ATG4B: variants seen among roughly 807,000 people sequenced by gnomAD.
ATG4B encodes the protein autophagy related 4B cysteine peptidase.
A neutral mutation model predicts 56.6 loss-of-function variants in ATG4B; 29 were observed. The observed-to-expected ratio is 0.51, with a 90% confidence interval of 0.38 to 0.70. The LOEUF (loss-of-function observed/expected upper bound fraction) is 0.70, where lower values mean the gene tolerates loss of function less well. Ranked by LOEUF, ATG4B falls within the 30% of genes least tolerant of loss-of-function variation. ATG4B has a pLI of 0.00. For missense variants in ATG4B, 461 were observed against 515.5 expected, an observed-to-expected ratio of 0.89 and a Z score of 1.02; for synonymous variants, 224 against 206.1, an observed-to-expected ratio of 1.09 and a Z score of -0.74.
Position 241,651,893 on chromosome 2 carries a change from A to G in ATG4B, c.184+558A>G, listed in dbSNP as rs547192852. ...TGCATTCTGTTAAAAGCCATTCATC[A>G]TTGTTGTATACCCTGGAGCTGGAAG... is the stretch of plus-strand genomic sequence containing the variant. On this transcript the variant is annotated intron_variant, in intron 3 of 12. Coordinates refer to ENST00000404914, the MANE Select transcript of ATG4B (RefSeq NM_013325.5). The surrounding 1 kb of genome is among the most constrained non-coding windows in gnomAD (Gnocchi z 4.1). The G allele has an allele frequency of 2.1e-5, 27 of 1,303,826 alleles. No homozygotes were observed. The highest frequency in any genetic ancestry group is 2.7e-5 in the Non-Finnish European group (27 of 988,724). 80.8% of individuals were successfully genotyped at this position (1,303,826 alleles called of 1,614,324 possible).
chr2:241,650,849 A>G (rs913950145), intron 1 of ATG4B, among the ~76,000 whole-genome samples, 161 bp from the exon 2 acceptor site: 3 of 152,010 alleles, frequency 2.0e-5, no homozygotes, highest in African/African-American at 4.8e-5. Context: ...TACTCCATCC[A>G]TGGTGGGTGT....
intron 1 of ATG4B, among the ~76,000 whole-genome samples, chr2:241,644,914 A>T (rs530656658): frequency 6.6e-6 from 1 of 151,236 alleles, no homozygotes; most frequent in Non-Finnish European, 1.5e-5. Context: ...GTGCCATTGC[A>T]CTCCAGCCTG....
At chr2:241,661,417 G>C (rs140997247) in intron 7 of ATG4B, among the ~76,000 whole-genome samples, 116 of 152,318 alleles carry the variant, frequency 7.6e-4, no homozygotes, top group African/African-American at 2.6e-3. Flanking sequence ...AAAGCCCCAG[G>C]AGGGAGTAGT....
At chr2:241,667,184 C>G (rs1051896774) in intron 8 of ATG4B, among the ~76,000 whole-genome samples, 1 of 152,194 alleles carries the variant, frequency 6.6e-6, no homozygotes, top group Non-Finnish European at 1.5e-5. Context: ...CCCCACTCCC[C>G]CACAGCCCTC....
intron 11 of ATG4B, among the ~76,000 whole-genome samples, 163 bp downstream of exon 11, chr2:241,670,945 C>T (rs1047245483): frequency 1.3e-5 from 2 of 152,180 alleles, no homozygotes; most frequent in Non-Finnish European, 2.9e-5. Flanking sequence ...CAGGGTGGGG[C>T]GTCCTGGATT....
chr2:241,651,953 C>T lies in ATG4B; in HGVS notation c.184+618C>T, dbSNP rs1040378042. The T allele has an allele frequency of 2.9e-5, 38 of 1,303,964 alleles. No individual in the cohort carries two copies. The highest frequency in any genetic ancestry group is 4.9e-5 in the South Asian group (4 of 81,032). 80.8% of individuals were successfully genotyped at this position (1,303,964 alleles called of 1,614,324 possible). A position where few individuals can be genotyped will look rare whatever the true frequency, so the allele number is the denominator to read the frequency against. On this transcript the variant is annotated intron_variant, in intron 3 of 12. Transcript: ENST00000404914. This position sits in a 1 kb window ranked among gnomAD's most constrained non-coding sequence, Gnocchi z 4.1. ...ACTGGTTCTCAGCCTTGCCTCTCAC[C>T]GGCGGAGAACTGAGGCCGGAGGTGA...
At position 241,666,692 on chromosome 2, in the gene ATG4B, C is replaced by T. The variant is rs1440126909; in HGVS notation, c.586C>T (p.Pro196Ser). ...TCCCTGTGCAGGCGCCACTGCGTTT[C>T]CTGCAGATTCCGACCGGCACTGCAA... ...SVPCAGATAF[P>S]ADSDRHCNGF... Residue 196 changes from proline to serine, a missense_variant, in exon 8 of 13, where the codon CCT (proline) becomes TCT (serine). By Grantham distance (74) the Pro-to-Ser change is moderately conservative. Transcript: ENST00000404914. The T allele has an allele frequency of 1.9e-6, 3 of 1,613,258 alleles. No individual in the cohort carries two copies. The highest frequency in any genetic ancestry group is 1.6e-4 in the Middle Eastern group (1 of 6,082).
In ATG4B at chr2:241,666,834, T is replaced by TGAAGGTGGGTCCTGCC; in HGVS notation, c.730_732+13dup. 6.4e-7 allele frequency: 1 copy of TGAAGGTGGGTCCTGCC among 1,559,246 alleles called. No homozygotes were observed. The highest frequency in any genetic ancestry group is 8.7e-7 in the Non-Finnish European group (1 of 1,152,538). The stretch of plus-strand genomic sequence containing the variant: ...ATCAACGAGGCCTACGTGGAGACGC[T>TGAAGGTGGGTCCTGCC]GAAGGTGGGTCCTGCCGTGCGGCGC... On this transcript the variant is annotated frameshift_variant, in exon 8 of 13. Transcript: ENST00000404914. LOFTEE classifies it high-confidence loss of function.
Position 241,647,638 on chromosome 2 carries a change from A to G in ATG4B, c.11-3372A>G, listed in dbSNP as rs71430374. ...ACTCCGTCTCAAAAAAAAAAAAAAA[A>G]AAAAAGAAAAGAAATTAGACCGGTG... On this transcript the variant is annotated intron_variant, in intron 1 of 12. Transcript: ENST00000404914. 2.6e-4 allele frequency among the ~76,000 whole-genome samples: 39 copies of G among 150,332 alleles called. 1 individual carries two copies. The South Asian group carries it at 3.8e-3, about 15-fold the overall frequency.
chr2:241,643,878 C>T (rs1253800464), intron 1 of ATG4B, among the ~76,000 whole-genome samples: 5 of 152,032 alleles, frequency 3.3e-5, no homozygotes, highest in African/African-American at 7.2e-5. Flanking sequence ...ATATTTTTTC[C>T]GAAGTTTGAC....
At chr2:241,649,924 C>T (rs1575065383) in intron 1 of ATG4B, among the ~76,000 whole-genome samples, 1 of 151,938 alleles carries the variant, frequency 6.6e-6, no homozygotes, top group Non-Finnish European at 1.5e-5. Flanking sequence ...GCTGGGATTA[C>T]AGGCGCCCGC....
chr2:241,646,817 C>A (rs1340703682), intron 1 of ATG4B, among the ~76,000 whole-genome samples: 1 of 147,378 alleles, frequency 6.8e-6, no homozygotes, highest in Non-Finnish European at 1.5e-5. Flanking sequence ...GAGTTTCACT[C>A]TCCCACCTGG....
chr2:241,673,357 C>A lies in ATG4B; in HGVS notation c.*1093C>A. On this transcript the variant is annotated 3_prime_UTR_variant, in exon 13 of 13. Coordinates refer to ENST00000404914, the MANE Select transcript of ATG4B (RefSeq NM_013325.5). ...TCTGCCCCGCTGCTCTGCTGCCTGTCCTGGGAAAGTATCTTTGCCCCACTA... is the reference window on the plus strand; with the variant it reads ...TCTGCCCCGCTGCTCTGCTGCCTGTACTGGGAAAGTATCTTTGCCCCACTA... 2.8e-6 allele frequency: 1 copy of A among 360,150 alleles called. No individual in the cohort carries two copies. Among genetic ancestry groups the A allele is most frequent in the Non-Finnish European group, 5.5e-6 (1 of 181,296 alleles). 22.3% of individuals were successfully genotyped at this position (360,150 alleles called of 1,614,324 possible).
rs2125123531 is a variant in ATG4B, at chr2:241,651,554, A to G, written c.184+219A>G. Among the ~76,000 whole-genome samples the G allele has an allele frequency of 6.6e-6, 1 of 152,330 alleles. No individual in the cohort carries two copies. The highest frequency in any genetic ancestry group is 2.1e-4 in the South Asian group (1 of 4,830). On this transcript the variant is annotated intron_variant, in intron 3 of 12. Transcript: ENST00000404914. The surrounding 1 kb of genome is among the most constrained non-coding windows in gnomAD (Gnocchi z 4.1). ...TAGTGTGTTTTCAACTGCAAATCCC[A>G]GCTTATTACTGGAGCTGGAAATCAG...
intron 1 of ATG4B, among the ~76,000 whole-genome samples, chr2:241,639,201 C>T (rs1559243844): frequency 6.6e-6 from 1 of 152,222 alleles, no homozygotes; most frequent in Non-Finnish European, 1.5e-5. Context: ...GAGCTTACAG[C>T]TAGACATGTG....
At position 241,668,417 on chromosome 2, in the gene ATG4B, C is replaced by G. The variant is rs2068847204; in HGVS notation, c.812-123C>G. 6.9e-7 allele frequency: 1 copy of G among 1,448,338 alleles called. No homozygotes were observed. Among genetic ancestry groups the G allele is most frequent in the Admixed American group, 2.0e-5 (1 of 50,512 alleles). 89.7% of individuals were successfully genotyped at this position (1,448,338 alleles called of 1,614,324 possible). ...GATGGTCTGGTGCCCTCGGCTCCCT[C>G]CCCACCTCCTGCCCACTGCTTCTCA... is the stretch of plus-strand genomic sequence containing the variant. On this transcript the variant is annotated intron_variant, in intron 9 of 12. Coordinates refer to ENST00000404914, the MANE Select transcript of ATG4B (RefSeq NM_013325.5). This position sits in a 1 kb window ranked among gnomAD's most constrained non-coding sequence, Gnocchi z 4.2.
At chr2:241,640,172 C>G (rs1455308616) in intron 1 of ATG4B, among the ~76,000 whole-genome samples, 1 of 152,190 alleles carries the variant, frequency 6.6e-6, no homozygotes. Flanking sequence ...CATGGCGATA[C>G]TTTATTTTAT....
chr2:241,671,612 C>G (rs2068974259), intron 12 of ATG4B: 1 of 1,495,846 alleles, frequency 6.7e-7, no homozygotes. Context: ...CCCACCTCGT[C>G]TTCCCCACCA....
chr2:241,654,291 T>G (rs911197267), intron 4 of ATG4B, among the ~76,000 whole-genome samples: 5 of 151,734 alleles, frequency 3.3e-5, no homozygotes, highest in South Asian at 2.1e-4. Flanking sequence ...CTTGGTGACA[T>G]GTGCCTGTAG....
Sources: gnomAD v4.1 joint callset for allele counts (sites outside exome capture counted in the v4.1 genomes callset) on GRCh38, gnomAD v4.1.1 for gene constraint, Gnocchi (gnomAD v3.1) non-coding constraint, MANE v1.5 for transcripts, NCBI Gene and HGNC (gene_info 2026-07-23, HGNC 2026-07-21) for gene names.